The following ANKRD20A1 variants were observed in gnomAD, a reference collection of about 807,000 sequenced individuals.
ANKRD20A1 encodes the protein ankyrin repeat domain-containing protein 20A1.
In ANKRD20A1, 2 loss-of-function variants were observed where a neutral mutation model predicts 50.9. The observed-to-expected ratio is 0.04, with a 90% CI of 0.02 to 0.12. ANKRD20A1 has a LOEUF of 0.12. Ranked by LOEUF, ANKRD20A1 falls within the 10% of genes least tolerant of loss-of-function variation. ANKRD20A1 has a pLI of 1.00. For synonymous variants in ANKRD20A1, 10 were observed against 186.2 expected, an observed-to-expected ratio of 0.05 and a Z score of 7.70; for missense variants, 31 against 548.1, an observed-to-expected ratio of 0.06 and a Z score of 9.42.
At chr9:67,885,474 T>C (rs1353252163) in intron 9 of ANKRD20A1, among the ~76,000 whole-genome samples, 2 of 152,312 alleles carry the variant, frequency 1.3e-5, no homozygotes, top group African/African-American at 2.4e-5. Flanking sequence ...TAATTTGTTT[T>C]TATAGAAAAT....
At chr9:67,875,482 C>T (rs1827711436) in intron 6 of ANKRD20A1, among the ~76,000 whole-genome samples, 1 of 148,506 alleles carries the variant, frequency 6.7e-6, no homozygotes, top group African/African-American at 2.4e-5. Context: ...TATTTTCCAC[C>T]AGAGAGTGGT....
intron 11 of ANKRD20A1, among the ~76,000 whole-genome samples, chr9:67,891,420 T>C (rs1827945666): frequency 2.2e-5 from 2 of 92,758 alleles, no homozygotes; most frequent in African/African-American, 3.6e-5. Context: ...TGAAACAGTT[T>C]ATGTATATTA....
intron 6 of ANKRD20A1, among the ~76,000 whole-genome samples, chr9:67,872,644 G>A (rs1265621374): frequency 1.4e-5 from 2 of 139,268 alleles, no homozygotes; most frequent in Non-Finnish European, 3.2e-5. Context: ...TTTTTCTCCA[G>A]TTATACAATT....
chr9:67,881,153 C>T (rs1398260801), intron 8 of ANKRD20A1, among the ~76,000 whole-genome samples: 4 of 150,342 alleles, frequency 2.7e-5, no homozygotes, highest in East Asian at 2.0e-4. Flanking sequence ...GTGGTGTACA[C>T]CTGTAGTCCC....
chr9:67,873,315 TTTTTA>T (rs1827684214), intron 6 of ANKRD20A1, among the ~76,000 whole-genome samples: 1 of 146,016 alleles, frequency 6.8e-6, no homozygotes, highest in African/African-American at 2.5e-5. Context: ...GATTCTCTAT[TTTTTA>T]TTCAGATAAA....
chr9:67,882,236 C>T (rs1379146152), intron 8 of ANKRD20A1, among the ~76,000 whole-genome samples: 15 of 151,298 alleles, frequency 9.9e-5, no homozygotes, highest in African/African-American at 3.6e-4. Context: ...TTCTGCCTGC[C>T]TCAGCCTCTC....
rs1396161294 is a variant in ANKRD20A1 at position 67,859,336 on chromosome 9, C to G, written c.-91C>G. On this transcript the variant is annotated 5_prime_UTR_variant, in exon 1 of 15. Transcript: ENST00000562196. ...GATAGGGGATTTGGGGCTGGGTCGG[C>G]CGGGGTCGGGGAGGGGGGTGGTGAA... 6 of 530,806 alleles carry G rather than the reference C, an allele frequency of 1.1e-5. 3 individuals carry two copies. The highest frequency in any genetic ancestry group is 7.6e-5 in the Admixed American group (2 of 26,450). 32.9% of individuals were successfully genotyped at this position (530,806 alleles called of 1,614,324 possible). A position where few individuals can be genotyped will look rare whatever the true frequency, so the allele number is the denominator to read the frequency against.
At chr9:67,891,213 G>A (rs1183774071) in intron 11 of ANKRD20A1, among the ~76,000 whole-genome samples, 116 of 116,048 alleles carry the variant, frequency 1.0e-3, no homozygotes, top group East Asian at 2.2e-3. Context: ...AGAATCACTT[G>A]AACCTGGGAG....
At chr9:67,884,798 G>A (rs1289678996) in intron 9 of ANKRD20A1, among the ~76,000 whole-genome samples, 1 of 151,178 alleles carries the variant, frequency 6.6e-6, no homozygotes, top group Admixed American at 6.7e-5. Context: ...GCTGAGGCAG[G>A]AGAATGGCTT....
Position 67,863,860 on chromosome 9 carries a change from AAG to A in ANKRD20A1, c.492+474_492+475del, listed in dbSNP as rs1268559995. Among the ~76,000 whole-genome samples the A allele has an allele frequency of 2.7e-4, 12 of 44,354 alleles. 2 individuals are homozygous for A. The highest frequency in any genetic ancestry group is 4.4e-5 in the Non-Finnish European group (1 of 22,762). 29.1% of individuals were successfully genotyped at this position (44,354 alleles called of 152,430 possible). A position where few individuals can be genotyped will look rare whatever the true frequency, so the allele number is the denominator to read the frequency against. On this transcript the variant is annotated intron_variant, in intron 3 of 14. Transcript: ENST00000562196. ...TAAGAGGGAAAAATGGGAGGGGAGA[AAG>A]AGAGCAATCAGAAATATGCAGGTCA...
chr9:67,859,178 A>G lies in ANKRD20A1; in HGVS notation c.-249A>G. The G allele has an allele frequency of 8.9e-6, 2 of 224,944 alleles. 1 individual carries two copies. The highest frequency in any genetic ancestry group is 2.0e-4 in the Admixed American group (2 of 10,106). 13.9% of individuals were successfully genotyped at this position (224,944 alleles called of 1,614,324 possible). A position where few individuals can be genotyped will look rare whatever the true frequency, so the allele number is the denominator to read the frequency against. ...CGCGCCCAACGGCTTTGCGAGGCTCACTCGGTCTGAGAGGTCGGAGGCTGC... is the reference window on the plus strand; with the variant it reads ...CGCGCCCAACGGCTTTGCGAGGCTCGCTCGGTCTGAGAGGTCGGAGGCTGC... On this transcript the variant is annotated 5_prime_UTR_variant, in exon 1 of 15. Coordinates refer to ENST00000562196, the MANE Select transcript of ANKRD20A1 (RefSeq NM_032250.5).
chr9:67,881,489 C>G (rs1827794273), intron 8 of ANKRD20A1, among the ~76,000 whole-genome samples: 1 of 150,406 alleles, frequency 6.6e-6, no homozygotes, highest in Non-Finnish European at 1.5e-5. Flanking sequence ...ATTTACTTCA[C>G]CAGGCGTGGA....
chr9:67,867,291 AC>A lies in ANKRD20A1; in HGVS notation c.508del (p.Leu170PhefsTer5), dbSNP rs1160096960. 6.7e-7 allele frequency: 1 copy of A among 1,482,540 alleles called. No homozygotes were observed. Among genetic ancestry groups the A allele is most frequent in the Admixed American group, 2.2e-5 (1 of 44,782 alleles). 91.8% of individuals were successfully genotyped at this position (1,482,540 alleles called of 1,614,324 possible). On this transcript the variant is annotated frameshift_variant, in exon 4 of 15. Coordinates refer to ENST00000562196, the MANE Select transcript of ANKRD20A1 (RefSeq NM_032250.5). LOFTEE classifies it high-confidence loss of function. ...EALDKDNNTP[L>X]LFAIICKKEK... is the part of the protein sequence containing the mutation. Reference sequence around the variant, plus strand: ...CTGTTTTATAGGACAATAATACCCCACTTTTATTTGCTATAATTTGCAAGAA... The same window carrying A: ...CTGTTTTATAGGACAATAATACCCCATTTTATTTGCTATAATTTGCAAGAA...
At chr9:67,860,053 T>C (rs1172279818) in intron 1 of ANKRD20A1, among the ~76,000 whole-genome samples, 2 of 16,564 alleles carry the variant, frequency 1.2e-4, no homozygotes, top group African/African-American at 3.0e-4. Flanking sequence ...GGGAATTCAT[T>C]ATATTCTTTT....
At chr9:67,861,557 G>A (rs1827502897) in intron 1 of ANKRD20A1, among the ~76,000 whole-genome samples, 1 of 48,304 alleles carries the variant, frequency 2.1e-5, no homozygotes, top group South Asian at 6.4e-4. Context: ...CTCAGGACCC[G>A]TCCATCCTTA....
intron 6 of ANKRD20A1, among the ~76,000 whole-genome samples, chr9:67,871,438 A>G (rs1391032092): frequency 7.2e-6 from 1 of 138,998 alleles, no homozygotes; most frequent in Non-Finnish European, 1.6e-5. Context: ...GTTGTAGCTA[A>G]TTTATAATCT....
rs773430697 is a variant in ANKRD20A1, at chr9:67,884,577, A to T, written c.979+7A>T. 1.3e-6 allele frequency: 2 copies of T among 1,591,944 alleles called. No homozygotes were observed. The highest frequency in any genetic ancestry group is 8.5e-7 in the Non-Finnish European group (1 of 1,178,504). Reference sequence around the variant, plus strand: ...GTCAATGGACAAGGAGAAGGTGAGAACCGTATTTTATTTAAAAAGTCATCT... The same window carrying T: ...GTCAATGGACAAGGAGAAGGTGAGATCCGTATTTTATTTAAAAAGTCATCT... On this transcript the variant is annotated splice_region_variant and intron_variant, in intron 9 of 14. Transcript: ENST00000562196.
Position 67,894,700 on chromosome 9 carries a change from C to G in ANKRD20A1, c.1152+1194C>G, listed in dbSNP as rs1485328810. 8.7e-5 allele frequency among the ~76,000 whole-genome samples: 7 copies of G among 80,626 alleles called. 2 individuals carry two copies. Among genetic ancestry groups the G allele is most frequent in the Admixed American group, 5.3e-4 (3 of 5,644 alleles). 52.9% of individuals were successfully genotyped at this position (80,626 alleles called of 152,430 possible). ...ATTAAAGCTAATTTTAAAACATGCA[C>G]TCTGACAGAAAAGGCATCTGAGAAA... is the stretch of plus-strand genomic sequence containing the variant. On this transcript the variant is annotated intron_variant, in intron 12 of 14. Transcript: ENST00000562196.
At chr9:67,885,450 G>A (rs1214909663) in intron 9 of ANKRD20A1, among the ~76,000 whole-genome samples, 2 of 152,426 alleles carry the variant, frequency 1.3e-5, no homozygotes, top group South Asian at 2.1e-4. Flanking sequence ...AAAATGGTCA[G>A]CCATGTATGG....
Sources: allele counts gnomAD v4.1 joint callset (sites outside exome capture counted in the v4.1 genomes callset), GRCh38; gene constraint gnomAD v4.1.1; transcripts MANE v1.5; gene names NCBI Gene and HGNC (gene_info 2026-07-23, HGNC 2026-07-21).